GPC6: variants seen among roughly 807,000 people sequenced by gnomAD.
GPC6 encodes glypican-6.
A neutral mutation model predicts 55.2 loss-of-function variants in GPC6; 14 were observed. The observed-to-expected ratio is 0.25, with a 90% CI of 0.17 to 0.40. The LOEUF is 0.40. GPC6 is among the 10% of genes least tolerant of loss of function. GPC6 has a pLI of 1.00. For synonymous variants in GPC6, 278 were observed against 259.6 expected, an observed-to-expected ratio of 1.07 and a Z score of -0.68; for missense variants, 641 against 708.5, an observed-to-expected ratio of 0.90 and a Z score of 1.08.
intron 4 of GPC6, among the ~76,000 whole-genome samples, chr13:94,150,840 A>ATATATAT (rs1555301329): frequency 6.8e-6 from 1 of 146,332 alleles, no homozygotes; most frequent in African/African-American, 2.5e-5. Context: ...ATGTTTATTG[A>ATATATAT]ATGAGTAAAT....
At chr13:93,698,022 C>T (rs1040111924) in intron 2 of GPC6, among the ~76,000 whole-genome samples, 1 of 152,090 alleles carries the variant, frequency 6.6e-6, no homozygotes, top group African/African-American at 2.4e-5. Flanking sequence ...AATTGTATTA[C>T]TTGTCAAATA....
chr13:93,786,680 T>G (rs1413389726), intron 2 of GPC6, among the ~76,000 whole-genome samples: 1 of 152,132 alleles, frequency 6.6e-6, no homozygotes, highest in African/African-American at 2.4e-5. Flanking sequence ...AATAAAATTA[T>G]TTAAATACAC....
At chr13:93,695,211 A>G (rs1882408361) in intron 2 of GPC6, among the ~76,000 whole-genome samples, 1 of 152,084 alleles carries the variant, frequency 6.6e-6, no homozygotes, top group Non-Finnish European at 1.5e-5. Flanking sequence ...TTTTATTATA[A>G]AAATACTTCC....
chr13:93,640,607 T>C (rs1879871994), intron 2 of GPC6, among the ~76,000 whole-genome samples: 1 of 152,006 alleles, frequency 6.6e-6, no homozygotes, highest in African/African-American at 2.4e-5. Context: ...GCTGAGGCAC[T>C]ATATAGCCAC....
intron 3 of GPC6, among the ~76,000 whole-genome samples, chr13:94,004,750 T>C (rs1881943754): frequency 6.6e-6 from 1 of 152,100 alleles, no homozygotes; most frequent in South Asian, 2.1e-4. Flanking sequence ...CATGATGAAC[T>C]ATAGCTCTTT....
intron 4 of GPC6, among the ~76,000 whole-genome samples, chr13:94,280,834 T>C (rs1361356805): frequency 6.6e-6 from 1 of 152,128 alleles, no homozygotes; most frequent in Non-Finnish European, 1.5e-5. Flanking sequence ...AACAATAAGG[T>C]AGATTGTGCT....
At chr13:94,130,395 T>C (rs1301764235) in intron 4 of GPC6, among the ~76,000 whole-genome samples, 2 of 152,140 alleles carry the variant, frequency 1.3e-5, no homozygotes, top group Non-Finnish European at 2.9e-5. Context: ...AAATAAATCA[T>C]AATTCAGAAA....
At chr13:94,288,823 A>ATATATATTTGT (rs1874712989) in intron 5 of GPC6, among the ~76,000 whole-genome samples, 2 of 120,410 alleles carry the variant, frequency 1.7e-5, no homozygotes, top group African/African-American at 6.2e-5. Flanking sequence ...TAATAAATAT[A>ATATATATTTGT]TATATTTGTT....
At chr13:93,298,221 A>G (rs1447551904) in intron 1 of GPC6, among the ~76,000 whole-genome samples, 1 of 152,194 alleles carries the variant, frequency 6.6e-6, no homozygotes. Flanking sequence ...AGCAATGACA[A>G]CCACACCCCA....
intron 2 of GPC6, among the ~76,000 whole-genome samples, chr13:93,787,103 T>C (rs908527963): frequency 5.3e-5 from 8 of 152,246 alleles, no homozygotes; most frequent in African/African-American, 1.9e-4. Flanking sequence ...CTGTTTTCTT[T>C]AACAGTTCCA....
At chr13:93,702,655 A>G (rs906922537) in intron 2 of GPC6, among the ~76,000 whole-genome samples, 2 of 152,022 alleles carry the variant, frequency 1.3e-5, no homozygotes, top group Non-Finnish European at 2.9e-5. Flanking sequence ...TTCATCAATT[A>G]TCATAGCTAG....
chr13:93,795,922 G>A (rs998122723), intron 2 of GPC6, among the ~76,000 whole-genome samples: 1 of 152,016 alleles, frequency 6.6e-6, no homozygotes, highest in Non-Finnish European at 1.5e-5. Context: ...TTTTCTTAAG[G>A]GTTAAGGCTG....
At chr13:93,697,292 C>A (rs1460949758) in intron 2 of GPC6, among the ~76,000 whole-genome samples, 1 of 152,096 alleles carries the variant, frequency 6.6e-6, no homozygotes, top group African/African-American at 2.4e-5. Context: ...TGCTAGAGTG[C>A]CTTTTTATGG....
At chr13:94,317,239 G>A (rs1185431246) in intron 6 of GPC6, among the ~76,000 whole-genome samples, 6 of 152,170 alleles carry the variant, frequency 3.9e-5, no homozygotes, top group Non-Finnish European at 2.9e-5. Context: ...GCATGATGAG[G>A]CAGGAAACCA....
At chr13:93,336,780 G>A (rs3751417) in intron 1 of GPC6, among the ~76,000 whole-genome samples, 10,488 of 152,116 alleles carry the variant, frequency 0.069, 504 homozygotes, top group East Asian at 0.12. Flanking sequence ...GAGACCTCCT[G>A]TATGTGATGG....
At chr13:93,565,772 AT>A (rs1323283977) in intron 2 of GPC6, among the ~76,000 whole-genome samples, 1 of 151,980 alleles carries the variant, frequency 6.6e-6, no homozygotes, top group Admixed American at 6.6e-5. Flanking sequence ...AAATACAAAA[AT>A]TAGCTGGGCT....
At position 93,658,859 on chromosome 13, in the gene GPC6, G is replaced by A. The variant is rs147663565; in HGVS notation, c.319+113438G>A. On this transcript the variant is annotated intron_variant, in intron 2 of 8. Transcript: ENST00000377047. ...TCCTTCTTTTATGATATGATTGTCA[G>A]ATTTCAGTATCAGCATTATACGAGA... Among the ~76,000 whole-genome samples the A allele has an allele frequency of 9.7e-4, 148 of 151,900 alleles. 2 individuals carry two copies. The East Asian group carries it at 0.024, about 24-fold the overall frequency.
At chr13:94,085,043 G>C (rs993468842) in intron 4 of GPC6, among the ~76,000 whole-genome samples, 1 of 152,006 alleles carries the variant, frequency 6.6e-6, no homozygotes, top group Admixed American at 6.6e-5. Flanking sequence ...AGAGTTTGTG[G>C]CTGGGCACGG....
intron 1 of GPC6, among the ~76,000 whole-genome samples, chr13:93,498,356 T>G (rs1436057821): frequency 6.6e-6 from 1 of 152,176 alleles, no homozygotes; most frequent in Non-Finnish European, 1.5e-5. Flanking sequence ...CCCTTTTAAT[T>G]GAGGGTGAAC....
Sources: gnomAD v4.1 joint callset for allele counts (sites outside exome capture counted in the v4.1 genomes callset) on GRCh38, gnomAD v4.1.1 for gene constraint, MANE v1.5 for transcripts, NCBI Gene and HGNC (gene_info 2026-07-23, HGNC 2026-07-21) for gene names.